NECTIN3: variants seen among roughly 807,000 people sequenced by gnomAD.
NECTIN3 encodes the protein nectin cell adhesion molecule 3, also known as nectin-3.
Under a neutral mutation model 49.4 loss-of-function variants are expected in NECTIN3, and 8 were observed. The ratio of observed to expected loss-of-function variants is 0.16; its 90% confidence interval spans 0.10 to 0.29. The LOEUF is 0.29. Ranked by LOEUF, NECTIN3 falls within the 10% of genes least tolerant of loss-of-function variation. The pLI is 1.00. For missense variants in NECTIN3, 581 were observed against 654.6 expected, an observed-to-expected ratio of 0.89 and a Z score of 1.23; for synonymous variants, 277 against 241.1, an observed-to-expected ratio of 1.15 and a Z score of -1.38.
At chr3:111,163,734 G>A (rs561431220) in intron 7 of NECTIN3, among the ~76,000 whole-genome samples, 65 of 151,898 alleles carry the variant, frequency 4.3e-4, no homozygotes, top group Non-Finnish European at 6.0e-4. Context: ...GCTATGAGAG[G>A]GAAGATTCAT....
chr3:111,132,047 A>G (rs1316187705), intron 5 of NECTIN3, among the ~76,000 whole-genome samples: 1 of 151,756 alleles, frequency 6.6e-6, no homozygotes, highest in East Asian at 1.9e-4. Context: ...TTTAGTCTAT[A>G]TTTTTAATGT....
chr3:111,077,688 G>A (rs1445046120), intron 1 of NECTIN3, among the ~76,000 whole-genome samples: 1 of 151,912 alleles, frequency 6.6e-6, no homozygotes, highest in Non-Finnish European at 1.5e-5. Context: ...TTTTTCTCTT[G>A]ACAAGTGCTA....
chr3:111,122,255 C>T lies in NECTIN3; in HGVS notation c.917+17C>T, dbSNP rs369735364. ...GTGGAGCAGGTAATGTTATATACTT[C>T]GAAAGAGAAATTATCTAAAAGTGAA... is the stretch of plus-strand genomic sequence containing the variant. On this transcript the variant is annotated intron_variant, in intron 4 of 5. Coordinates refer to ENST00000485303, the MANE Select transcript of NECTIN3 (RefSeq NM_015480.3). The T allele has an allele frequency of 2.7e-5, 42 of 1,534,270 alleles. No homozygotes were observed. Among genetic ancestry groups the T allele is most frequent in the East Asian group, 1.6e-4 (7 of 44,118 alleles).
At chr3:111,166,461 T>C (rs1038816885) in intron 7 of NECTIN3, among the ~76,000 whole-genome samples, 5 of 152,332 alleles carry the variant, frequency 3.3e-5, no homozygotes, top group East Asian at 1.9e-4. Flanking sequence ...ACTAAACTCA[T>C]AATTATCTAC....
chr3:111,084,900 A>G (rs1196879552), intron 1 of NECTIN3, among the ~76,000 whole-genome samples: 6 of 152,216 alleles, frequency 3.9e-5, no homozygotes, highest in African/African-American at 1.2e-4. Flanking sequence ...TTAAAACAGC[A>G]TAAATTTATT....
intron 2 of NECTIN3, 102 bp downstream of exon 2, chr3:111,112,473 TTAAAG>T: frequency 1.3e-6 from 1 of 763,132 alleles, no homozygotes; most frequent in Non-Finnish European, 2.0e-6. Flanking sequence ...AACTTTAGGT[TTAAAG>T]TAAAATAATT....
At chr3:111,193,866 C>T (rs2035858149) in intron 1 of NECTIN3, among the ~76,000 whole-genome samples, 1 of 152,160 alleles carries the variant, frequency 6.6e-6, no homozygotes, top group African/African-American at 2.4e-5. Context: ...ATTACAATAC[C>T]TGTGTACAAA....
At chr3:111,166,216 C>G (rs2035316695) in intron 7 of NECTIN3, among the ~76,000 whole-genome samples, 1 of 152,168 alleles carries the variant, frequency 6.6e-6, no homozygotes, top group Non-Finnish European at 1.5e-5. Context: ...CAATTAAATA[C>G]TTGAAGCTTC....
In NECTIN3 at chr3:111,136,222, G is replaced by T. The variant is rs1424451347; in HGVS notation, c.*2007G>T. The T allele has an allele frequency of 1.0e-6, 1 of 961,594 alleles. No homozygotes were observed. The highest frequency in any genetic ancestry group is 1.2e-6 in the Non-Finnish European group (1 of 808,766). 59.6% of individuals were successfully genotyped at this position (961,594 alleles called of 1,614,324 possible). ...ATCTGAACAGAATAATCACATTTAG[G>T]ATTCTATATAAATCTCAACTGGAGT... On this transcript the variant is annotated 3_prime_UTR_variant, in exon 6 of 6. Transcript: ENST00000485303.
downstream of NECTIN3, among the ~76,000 whole-genome samples, chr3:111,139,620 C>T (rs911111673): frequency 7.9e-5 from 12 of 151,604 alleles, no homozygotes; most frequent in African/African-American, 2.9e-4. Flanking sequence ...ATCTATTAAC[C>T]CTGTTCTTTT....
At chr3:111,143,452 A>G (rs926232420) in intron 5 of NECTIN3, among the ~76,000 whole-genome samples, 5 of 151,960 alleles carry the variant, frequency 3.3e-5, no homozygotes, top group African/African-American at 1.2e-4. Context: ...AGTATTCTAA[A>G]GACATTTTTA....
Position 111,134,230 on chromosome 3 carries a change from G to T in NECTIN3, c.*15G>T. On this transcript the variant is annotated 3_prime_UTR_variant, in exon 6 of 6. Transcript: ENST00000485303. ...GGTATGTTTAGCAACCACTGAATGT[G>T]ACTTAACTATGTACAATGTTCATTC... 1.9e-6 allele frequency: 3 copies of T among 1,568,354 alleles called. No individual in the cohort carries two copies. In the South Asian group the frequency reaches 3.7e-5, roughly 19 times the overall value.
At chr3:111,145,266 A>C (rs2034846394) in intron 6 of NECTIN3, among the ~76,000 whole-genome samples, 1 of 152,178 alleles carries the variant, frequency 6.6e-6, no homozygotes, top group South Asian at 2.1e-4. Context: ...TTTCACCTAG[A>C]GCATATTAGA....
chr3:111,099,677 G>T (rs2032788636), intron 1 of NECTIN3, among the ~76,000 whole-genome samples: 1 of 152,090 alleles, frequency 6.6e-6, no homozygotes, highest in Non-Finnish European at 1.5e-5. Flanking sequence ...AAAATTTGCA[G>T]TCACACCAGC....
chr3:111,072,410 C>T (rs1044389774), intron 1 of NECTIN3: 2 of 1,522,012 alleles, frequency 1.3e-6, no homozygotes, highest in Non-Finnish European at 1.8e-6. Context: ...CCGCGCGGGT[C>T]GCCGTGCGGA....
intron 1 of NECTIN3, among the ~76,000 whole-genome samples, chr3:111,107,264 A>G (rs768728780): frequency 6.6e-5 from 10 of 152,172 alleles, no homozygotes; most frequent in Non-Finnish European, 1.3e-4. Flanking sequence ...CTATTCAAAG[A>G]CACATGAAGA....
At chr3:111,184,573 T>G (rs536772968) in intron 7 of NECTIN3, among the ~76,000 whole-genome samples, 1 of 152,318 alleles carries the variant, frequency 6.6e-6, no homozygotes, top group South Asian at 2.1e-4. Flanking sequence ...ACTTCTATTG[T>G]TTACAGATTA....
At chr3:111,078,578 A>G (rs1203201516) in intron 1 of NECTIN3, among the ~76,000 whole-genome samples, 1 of 152,158 alleles carries the variant, frequency 6.6e-6, no homozygotes, top group African/African-American at 2.4e-5. Context: ...AAACTAAACA[A>G]ATTCTTTGGT....
At chr3:111,148,392 C>T (rs2034927741) in intron 7 of NECTIN3, among the ~76,000 whole-genome samples, 1 of 152,174 alleles carries the variant, frequency 6.6e-6, no homozygotes, top group South Asian at 2.1e-4. Flanking sequence ...TGGGCACTAG[C>T]TTTGTCATCT....
Sources: allele counts gnomAD v4.1 joint callset (sites outside exome capture counted in the v4.1 genomes callset), GRCh38; gene constraint gnomAD v4.1.1; transcripts MANE v1.5; gene names NCBI Gene and HGNC (gene_info 2026-07-23, HGNC 2026-07-21).